Variants in ABCB10 observed in about 807,000 individuals in gnomAD.
The protein encoded by ABCB10 is ATP-binding cassette sub-family B member 10, mitochondrial.
In ABCB10, 54 loss-of-function variants were observed where a neutral mutation model predicts 65.4. The ratio of observed to expected loss-of-function variants is 0.83; its 90% CI spans 0.66 to 1.04. The LOEUF is 1.04. ABCB10 is among the 50% of genes least tolerant of loss of function. The pLI is 0.00. For missense variants in ABCB10, 846 were observed against 976.6 expected, an observed-to-expected ratio of 0.87 and a Z score of 1.78; for synonymous variants, 418 against 406.5, an observed-to-expected ratio of 1.03 and a Z score of -0.34.
chr1:229,531,169 C>A (rs1662575384), intron 7 of ABCB10, among the ~76,000 whole-genome samples: 1 of 152,200 alleles, frequency 6.6e-6, no homozygotes, highest in South Asian at 2.1e-4. Flanking sequence ...ATGGCTCCAG[C>A]CAATGAGTAC....
chr1:229,519,938 C>G (rs1481759953), intron 11 of ABCB10, among the ~76,000 whole-genome samples: 1 of 151,254 alleles, frequency 6.6e-6, no homozygotes, highest in African/African-American at 2.4e-5. Flanking sequence ...CCAGCCTGGG[C>G]AAAATAGCAA....
rs1488133968 is a variant in ABCB10, at chr1:229,526,086, CA to C, written c.1755del (p.Glu586ArgfsTer13). 1 of 1,611,114 alleles carries C rather than the reference CA, an allele frequency of 6.2e-7. No individual in the cohort carries two copies. Among genetic ancestry groups the C allele is most frequent in the Non-Finnish European group, 8.5e-7 (1 of 1,179,234 alleles). Reference protein sequence around the residue: ...QEPILFSCSIAENIAYGADDP... With the variant: ...QEPILFSCSIXENIAYGADDP... ...TCATCAGCACCATAAGCAATGTTCTCAGCAATAGAGCAAGAAAACAAAATGG... is the reference window on the plus strand; with the variant it reads ...TCATCAGCACCATAAGCAATGTTCTCGCAATAGAGCAAGAAAACAAAATGG... On this transcript the variant is annotated frameshift_variant, in exon 10 of 13. Coordinates refer to ENST00000344517, the MANE Select transcript of ABCB10 (RefSeq NM_012089.3). LOFTEE classifies it high-confidence loss of function.
At chr1:229,553,091 CTTTACACTGGG>C (rs1029310298) in intron 1 of ABCB10, among the ~76,000 whole-genome samples, 1 of 151,428 alleles carries the variant, frequency 6.6e-6, no homozygotes, top group African/African-American at 2.4e-5. Flanking sequence ...CCTAAAAGGG[CTTTACACTGGG>C]GAATGATCCA....
Position 229,531,958 on chromosome 1 carries a change from T to TTG in ABCB10, c.1340-228_1340-227insCA, listed in dbSNP as rs1363982361. 30 of 379,416 alleles carry TTG rather than the reference T, an allele frequency of 7.9e-5. 1 individual carries two copies. The highest frequency in any genetic ancestry group is 6.3e-4 in the African/African-American group (28 of 44,114). The allele number at this position is 379,416 out of a possible 1,614,324, so 23.5% of individuals were successfully genotyped here. A position where few individuals can be genotyped will look rare whatever the true frequency, so the allele number is the denominator to read the frequency against. ...CCTCCAGTTTCATAGTTTTTTTTTTTTTTTTTTTTTTTGAGACAGATCATC... is the reference window on the plus strand; with the variant it reads ...CCTCCAGTTTCATAGTTTTTTTTTTTTGTTTTTTTTTTTTGAGACAGATCATC... On this transcript the variant is annotated intron_variant, in intron 6 of 12. Transcript: ENST00000344517.
At chr1:229,531,874 C>T (rs1662593276) in intron 6 of ABCB10, 143 bp from the exon 7 acceptor site, 1 of 531,802 alleles carries the variant, frequency 1.9e-6, no homozygotes, top group Non-Finnish European at 3.2e-6. Flanking sequence ...AGGCAGCTTC[C>T]TGGGAACTGA....
intron 1 of ABCB10, 112 bp downstream of exon 1, chr1:229,558,024 G>A: frequency 8.6e-7 from 1 of 1,157,524 alleles, no homozygotes; most frequent in Non-Finnish European, 1.1e-6. Flanking sequence ...GCCCAGGAGA[G>A]GCGGCGGTGA....
At position 229,530,340 on chromosome 1, in the gene ABCB10, G is replaced by C. The variant is rs1437335638; in HGVS notation, c.1504C>G (p.Pro502Ala). The C allele has an allele frequency of 6.2e-7, 1 of 1,614,200 alleles. No homozygotes were observed. Among genetic ancestry groups the C allele is most frequent in the Non-Finnish European group, 8.5e-7 (1 of 1,180,032 alleles). ...LEFKNVHFAYPARPEVPIFQD... is the reference protein window; with the variant it reads ...LEFKNVHFAYAARPEVPIFQD... The stretch of plus-strand genomic sequence containing the variant: ...AATATGGGCACCTCTGGGCGAGCTG[G>C]ATAGGCAAAATGCACGTTCTTAAAC... Residue 502 changes from proline to alanine, a missense_variant, in exon 8 of 13, where the codon CCA becomes GCA. Pro to Ala is a conservative substitution (Grantham distance 27). Around this residue, in one of 2 missense-constraint regions of ABCB10, gnomAD observed 632 missense variants for 803.2 expected, o/e 0.79. Transcript: ENST00000344517.
chr1:229,547,772 C>T (rs113873301), intron 2 of ABCB10, 71 bp from the exon 3 acceptor site: 1 of 1,491,290 alleles, frequency 6.7e-7, no homozygotes, highest in African/African-American at 1.4e-5. Context: ...CAGCCACTTA[C>T]TGTGCAGCAG....
At chr1:229,523,313 A>G (rs2102683112) in intron 10 of ABCB10, among the ~76,000 whole-genome samples, 1 of 152,096 alleles carries the variant, frequency 6.6e-6, no homozygotes, top group Non-Finnish European at 1.5e-5. Flanking sequence ...CAGAGTGCTC[A>G]CTCCTCCCAA....
At chr1:229,549,108 A>T in intron 2 of ABCB10, 126 bp downstream of exon 2, 2 of 984,842 alleles carry the variant, frequency 2.0e-6, no homozygotes, top group Middle Eastern at 2.5e-4. Flanking sequence ...ATCCCCACTT[A>T]ATGGGATGCC....
chr1:229,547,887 C>T (rs1411751200), intron 2 of ABCB10, among the ~76,000 whole-genome samples, 186 bp from the exon 3 acceptor site: 1 of 152,182 alleles, frequency 6.6e-6, no homozygotes, highest in East Asian at 1.9e-4. Flanking sequence ...GGCACATTAA[C>T]TGTCATGCAC....
At chr1:229,529,061 G>A (rs993549635) in intron 8 of ABCB10, among the ~76,000 whole-genome samples, 3 of 151,950 alleles carry the variant, frequency 2.0e-5, no homozygotes, top group African/African-American at 7.3e-5. Context: ...GGGGACTGAG[G>A]AGGGTGGATC....
intron 1 of ABCB10, among the ~76,000 whole-genome samples, chr1:229,550,754 C>T (rs1370878894): frequency 6.6e-6 from 1 of 150,482 alleles, no homozygotes; most frequent in Admixed American, 6.6e-5. Context: ...GTCCTAGCTA[C>T]TTGGGAGGCT....
intron 4 of ABCB10, 39 bp downstream of exon 4, chr1:229,542,198 A>C (rs762538795): frequency 6.2e-7 from 1 of 1,607,866 alleles, no homozygotes; most frequent in Non-Finnish European, 8.5e-7. Context: ...CTATGACCCC[A>C]TTCTGCTGGA....
Position 229,517,381 on chromosome 1 carries a change from A to T in ABCB10, c.*798T>A, listed in dbSNP as rs575075903. The T allele has an allele frequency of 3.3e-5, 5 of 152,350 alleles. No homozygotes were observed. The South Asian group carries it at 1.0e-3, about 32-fold the overall frequency. The allele number at this position is 152,350 out of a possible 1,614,324, so 9.4% of individuals were successfully genotyped here. A position where few individuals can be genotyped will look rare whatever the true frequency, so the allele number is the denominator to read the frequency against. Reference sequence around the variant, plus strand: ...TATTTTTCAAAATACATGCCTTCAAACAACTTAAATGCAAAAATCATTCAT... The same window carrying T: ...TATTTTTCAAAATACATGCCTTCAATCAACTTAAATGCAAAAATCATTCAT... On this transcript the variant is annotated 3_prime_UTR_variant, in exon 13 of 13. Transcript: ENST00000344517.
chr1:229,530,780 T>C (rs192060707), intron 7 of ABCB10, among the ~76,000 whole-genome samples: 58 of 152,346 alleles, frequency 3.8e-4, no homozygotes, highest in African/African-American at 1.3e-3. Flanking sequence ...TCCGATGGCC[T>C]TCTCTCTATG....
rs1662823024 is a variant in ABCB10 at position 229,540,698 on chromosome 1, T to C, written c.1111A>G (p.Met371Val). Reference sequence around the variant, plus strand: ...CTGGCATATTTCTCGATTTCAGTCATTTCTTTCCCAAAAGCTCGAACAGTT... The same window carrying C: ...CTGGCATATTTCTCGATTTCAGTCACTTCTTTCCCAAAAGCTCGAACAGTT... ...VRTVRAFGKE[M>V]TEIEKYASKV... The change falls in exon 5 of 13, where the codon ATG (methionine) becomes GTG (valine). Residue 371 changes from methionine to valine, a missense_variant. Around this residue, in one of 2 missense-constraint regions of ABCB10, gnomAD observed 632 missense variants for 803.2 expected, o/e 0.79. Coordinates refer to ENST00000344517, the MANE Select transcript of ABCB10 (RefSeq NM_012089.3). 2 of 1,613,664 alleles carry C rather than the reference T, an allele frequency of 1.2e-6. No homozygotes were observed. Among genetic ancestry groups the C allele is most frequent in the African/African-American group, 1.3e-5 (1 of 75,050 alleles).
chr1:229,541,698 G>A (rs574212974), intron 4 of ABCB10, among the ~76,000 whole-genome samples: 31 of 152,076 alleles, frequency 2.0e-4, no homozygotes, highest in Admixed American at 6.6e-4. Flanking sequence ...CCAGCACTCC[G>A]GGACGCCAAG....
Position 229,518,422 on chromosome 1 carries a change from G to A in ABCB10, c.1986-12C>T. ...CGGCATCCAGCGCACTGACACAGGA[G>A]CACACACACAAGAAAGCAAAGACGT... On this transcript the variant is annotated splice_polypyrimidine_tract_variant and intron_variant, in intron 12 of 12. Coordinates refer to ENST00000344517, the MANE Select transcript of ABCB10 (RefSeq NM_012089.3). The A allele has an allele frequency of 6.2e-7, 1 of 1,610,424 alleles. No homozygotes were observed. Among genetic ancestry groups the A allele is most frequent in the Non-Finnish European group, 8.5e-7 (1 of 1,176,758 alleles).
Sources: gnomAD v4.1 joint callset for allele counts (sites outside exome capture counted in the v4.1 genomes callset) on GRCh38, gnomAD v4.1.1 for gene constraint, gnomAD v4.1.1 regional missense constraint, MANE v1.5 for transcripts, NCBI Gene and HGNC (gene_info 2026-07-23, HGNC 2026-07-21) for gene names.